The following TNFRSF19 variants were observed in gnomAD, a reference collection of about 807,000 sequenced individuals.
TNFRSF19 encodes tumor necrosis factor receptor superfamily member 19.
Under a neutral mutation model 46.4 loss-of-function variants are expected in TNFRSF19, and 27 were observed. The ratio of observed to expected loss-of-function variants is 0.58; its 90% CI spans 0.43 to 0.80. The LOEUF (loss-of-function observed/expected upper bound fraction) is 0.80. Among genes scored for constraint, TNFRSF19 ranks in the 30% least tolerant of loss-of-function variants. The pLI, the probability that TNFRSF19 is intolerant of heterozygous loss-of-function variation, is 0.00. For synonymous variants in TNFRSF19, 204 were observed against 205.0 expected, an observed-to-expected ratio of 1.00 and a Z score of 0.04; for missense variants, 511 against 530.8, an observed-to-expected ratio of 0.96 and a Z score of 0.37.
intron 7 of TNFRSF19, among the ~76,000 whole-genome samples, chr13:23,667,108 A>G (rs560237764): frequency 7.5e-6 from 1 of 133,094 alleles, no homozygotes; most frequent in Admixed American, 7.9e-5. Flanking sequence ...TTGTGGTTCT[A>G]TAAATCAGAG....
At chr13:23,648,994 T>A (rs1403886119) in intron 5 of TNFRSF19, among the ~76,000 whole-genome samples, 2 of 152,188 alleles carry the variant, frequency 1.3e-5, no homozygotes, top group African/African-American at 2.4e-5. Flanking sequence ...TTGTTGATAA[T>A]GTTTGTCTCT....
At position 23,668,045 on chromosome 13, in the gene TNFRSF19, G is replaced by T. The variant is rs1343405365; in HGVS notation, c.802G>T (p.Gly268Cys). The change falls in exon 8 of 10, where the codon GGT (glycine) becomes TGT (cysteine). Residue 268 changes from glycine to cysteine, a missense_variant. Physicochemically the swap from Gly to Cys is radical, Grantham distance 159. Transcript: ENST00000248484. ...CTGCAGCCCCAACCCGGCGACTCTT[G>T]GTTGTGGGGTGCATTCTGCAGCCAG... is the stretch of plus-strand genomic sequence containing the variant. The part of the protein sequence containing the change: ...EACSPNPATL[G>C]CGVHSAASLQ... 6.2e-7 allele frequency: 1 copy of T among 1,609,924 alleles called. No homozygotes were observed. The highest frequency in any genetic ancestry group is 1.3e-5 in the African/African-American group (1 of 75,008).
chr13:23,603,137 G>A (rs1023092120), intron 3 of TNFRSF19, among the ~76,000 whole-genome samples: 1 of 152,098 alleles, frequency 6.6e-6, no homozygotes, highest in Non-Finnish European at 1.5e-5. Flanking sequence ...AGGACACAAA[G>A]TACTAATATC....
At chr13:23,582,130 C>T (rs1042805002) in intron 1 of TNFRSF19, among the ~76,000 whole-genome samples, 1 of 151,554 alleles carries the variant, frequency 6.6e-6, no homozygotes, top group Non-Finnish European at 1.5e-5. Context: ...CCTGTAATCC[C>T]AGCACTTTGG....
At chr13:23,589,361 CTT>C (rs1463727294) in intron 1 of TNFRSF19, among the ~76,000 whole-genome samples, 1 of 152,136 alleles carries the variant, frequency 6.6e-6, no homozygotes, top group Non-Finnish European at 1.5e-5. Flanking sequence ...TCGTCAATGA[CTT>C]TTAGATGTTT....
chr13:23,621,876 GGAGGCAGAGGCT>G (rs1271054963), intron 4 of TNFRSF19, among the ~76,000 whole-genome samples: 1 of 152,028 alleles, frequency 6.6e-6, no homozygotes, highest in Non-Finnish European at 1.5e-5. Flanking sequence ...CTTGAGCCCA[GGAGGCAGAGGCT>G]GAGGCAGAGC....
chr13:23,588,829 A>G (rs1879039511), intron 1 of TNFRSF19, among the ~76,000 whole-genome samples: 1 of 152,196 alleles, frequency 6.6e-6, no homozygotes, highest in South Asian at 2.1e-4. Context: ...TGGAAAAGTG[A>G]AAAAAGCTGT....
chr13:23,628,883 G>A (rs975815166), intron 5 of TNFRSF19, among the ~76,000 whole-genome samples: 3 of 152,186 alleles, frequency 2.0e-5, no homozygotes, highest in Admixed American at 1.3e-4. Flanking sequence ...GTGCACAGCT[G>A]ATAGCCTTTC....
chr13:23,623,905 A>G (rs1296475478), intron 4 of TNFRSF19, among the ~76,000 whole-genome samples: 2 of 152,046 alleles, frequency 1.3e-5, no homozygotes, highest in Admixed American at 6.6e-5. Context: ...ATTTGCAGAT[A>G]TTTTCTTCCA....
intron 4 of TNFRSF19, among the ~76,000 whole-genome samples, chr13:23,621,503 C>T (rs1881651952): frequency 1.3e-5 from 2 of 152,166 alleles, no homozygotes; most frequent in Admixed American, 1.3e-4. Flanking sequence ...AGTAACTGCC[C>T]TCAACCTTGT....
chr13:23,632,543 T>C (rs1882417185), intron 5 of TNFRSF19, among the ~76,000 whole-genome samples: 1 of 152,234 alleles, frequency 6.6e-6, no homozygotes, highest in African/African-American at 2.4e-5. Context: ...CTCCCCTTCC[T>C]TCCATTGTCT....
At chr13:23,574,384 T>C (rs1449958773) in intron 1 of TNFRSF19, among the ~76,000 whole-genome samples, 1 of 152,176 alleles carries the variant, frequency 6.6e-6, no homozygotes, top group Non-Finnish European at 1.5e-5. Flanking sequence ...GATTCATTCT[T>C]TTTAAGAATT....
At chr13:23,615,222 G>A (rs1881189877) in intron 3 of TNFRSF19, among the ~76,000 whole-genome samples, 1 of 152,112 alleles carries the variant, frequency 6.6e-6, no homozygotes, top group Non-Finnish European at 1.5e-5. Context: ...CATTTGTTTT[G>A]CCCACTCTTG....
At chr13:23,630,284 C>G (rs952253615) in intron 5 of TNFRSF19, among the ~76,000 whole-genome samples, 2 of 106,582 alleles carry the variant, frequency 1.9e-5, no homozygotes, top group African/African-American at 3.7e-5. Flanking sequence ...GCCTGAACAA[C>G]AGAGTAAGAC....
In TNFRSF19 at chr13:23,614,746, C is replaced by CATATATAT. The variant is rs59117822; in HGVS notation, c.181-1105_181-1098dup. Among the ~76,000 whole-genome samples, 321 of 134,890 alleles carry CATATATAT rather than the reference C, an allele frequency of 2.4e-3. 5 individuals carry two copies. Among genetic ancestry groups the CATATATAT allele is most frequent in the African/African-American group, 5.8e-3 (208 of 35,584 alleles). 88.5% of individuals were successfully genotyped at this position (134,890 alleles called of 152,430 possible). The stretch of plus-strand genomic sequence containing the variant: ...AGCCGCTTCCTGTGGATAAGTAATA[C>CATATATAT]ATATATATATATATATATATATAGT... On this transcript the variant is annotated intron_variant, in intron 3 of 9. Coordinates refer to ENST00000248484, the MANE Select transcript of TNFRSF19 (RefSeq NM_148957.4).
Position 23,659,428 on chromosome 13 carries a change from A to C in TNFRSF19, c.610+214A>C, listed in dbSNP as rs1475758304. Among the ~76,000 whole-genome samples the C allele has an allele frequency of 6.6e-6, 1 of 152,186 alleles. No individual in the cohort carries two copies. The highest frequency in any genetic ancestry group is 1.5e-5 in the Non-Finnish European group (1 of 68,034). ...TCAGTGTTGACTCCCCAAAAACTTA[A>C]CTACTAATAGCCTATTGTTGACGGG... On this transcript the variant is annotated intron_variant, in intron 6 of 9. Transcript: ENST00000248484. This position sits in a 1 kb window ranked among gnomAD's most constrained non-coding sequence, Gnocchi z 4.9.
intron 1 of TNFRSF19, among the ~76,000 whole-genome samples, chr13:23,584,456 T>A (rs1878681767): frequency 6.6e-6 from 1 of 152,166 alleles, no homozygotes; most frequent in Non-Finnish European, 1.5e-5. Flanking sequence ...ATACCACAGT[T>A]TTTTTAGCCA....
rs1469212269 is a variant in TNFRSF19 at position 23,659,021 on chromosome 13, G to A, written c.446-29G>A. 6 of 1,611,914 alleles carry A rather than the reference G, an allele frequency of 3.7e-6. No homozygotes were observed. Among genetic ancestry groups the A allele is most frequent in the Non-Finnish European group, 4.2e-6 (5 of 1,179,986 alleles). On this transcript the variant is annotated intron_variant, in intron 5 of 9. Transcript: ENST00000248484. This position sits in a 1 kb window ranked among gnomAD's most constrained non-coding sequence, Gnocchi z 4.9. ...AACACTGCATCTGCAGTTGTTCAGA[G>A]CATGCTGACCCCATTCCTGTGGTTT... is the stretch of plus-strand genomic sequence containing the variant.
intron 1 of TNFRSF19, among the ~76,000 whole-genome samples, chr13:23,576,875 T>C (rs1877990624): frequency 6.6e-6 from 1 of 152,070 alleles, no homozygotes; most frequent in Admixed American, 6.5e-5. Flanking sequence ...ACTTAATGAG[T>C]CTCTTTAAAG....
Sources: gnomAD v4.1 joint callset for allele counts (sites outside exome capture counted in the v4.1 genomes callset) on GRCh38, gnomAD v4.1.1 for gene constraint, Gnocchi (gnomAD v3.1) non-coding constraint, MANE v1.5 for transcripts, NCBI Gene and HGNC (gene_info 2026-07-23, HGNC 2026-07-21) for gene names.